PLXNB1: variants seen among roughly 807,000 people sequenced by gnomAD.
PLXNB1 encodes the protein plexin B1, also known as plexin-B1.
In PLXNB1, 106 loss-of-function variants were observed where a neutral mutation model predicts 209.4. The ratio of observed to expected loss-of-function variants is 0.51; its 90% CI spans 0.43 to 0.59. The LOEUF is 0.59. Ranked by LOEUF, PLXNB1 falls within the 20% of genes least tolerant of loss-of-function variation. The pLI is 0.00. For missense variants in PLXNB1, 2,357 were observed against 2,853.2 expected (o/e 0.83, Z 3.96); for synonymous variants, 1,167 against 1,183.2 (o/e 0.99, Z 0.28).
At chr3:48,421,650 G>T in intron 7 of PLXNB1, 24 bp downstream of exon 7, 1 of 1,580,820 alleles carries the variant, frequency 6.3e-7, no homozygotes. Flanking sequence ...TCCCCACCAG[G>T]GCCCTGCCTA....
At chr3:48,420,471 C>T (rs867863621) in intron 10 of PLXNB1, among the ~76,000 whole-genome samples, 194 bp downstream of exon 10, 49 of 152,170 alleles carry the variant, frequency 3.2e-4, no homozygotes, top group Admixed American at 1.3e-4. Context: ...TCCCCTGCCT[C>T]TCAGCTACAA....
In PLXNB1 at chr3:48,420,963, A is replaced by C; in HGVS notation, c.1811-7T>G. ...ACGCTCACGGATACGTAGTCTGCAG[A>C]GGGGGAGAGAGGGCCAGGGTTAAGC... On this transcript the variant is annotated splice_region_variant and splice_polypyrimidine_tract_variant and intron_variant, in intron 8 of 37. Coordinates refer to ENST00000296440, the MANE Select transcript of PLXNB1 (RefSeq NM_001130082.3). 1.2e-6 allele frequency: 2 copies of C among 1,605,536 alleles called. No individual in the cohort carries two copies. Among genetic ancestry groups the C allele is most frequent in the Non-Finnish European group, 1.7e-6 (2 of 1,172,720 alleles).
At chr3:48,422,037 G>T in intron 6 of PLXNB1, 68 bp downstream of exon 6, 1 of 1,442,642 alleles carries the variant, frequency 6.9e-7, no homozygotes, top group Non-Finnish European at 9.7e-7. Flanking sequence ...CAGGAATTCT[G>T]GACAGGACAA....
chr3:48,407,133 G>A, intron 34 of PLXNB1, 42 bp from the exon 35 acceptor site: 21 of 1,560,022 alleles, frequency 1.3e-5, no homozygotes, highest in Non-Finnish European at 1.9e-5. Flanking sequence ...AGGAAGGAAG[G>A]ATGAGGGTCC....
At position 48,416,305 on chromosome 3, in the gene PLXNB1, T is replaced by C. The variant is rs1329999750; in HGVS notation, c.3480+41A>G. On this transcript the variant is annotated intron_variant, in intron 17 of 37. Transcript: ENST00000296440. The surrounding 1 kb of genome is among the most constrained non-coding windows in gnomAD (Gnocchi z 4.1). The stretch of plus-strand genomic sequence containing the variant: ...GGGTTGAGAGGAGCCACCAGAGAGG[T>C]TGGCCCGCTGGCAGCTGGGGGTGGC... 8 of 1,565,734 alleles carry C rather than the reference T, an allele frequency of 5.1e-6. No individual in the cohort carries two copies. The highest frequency in any genetic ancestry group is 1.7e-5 in the Admixed American group (1 of 59,278).
intron 7 of PLXNB1, 56 bp from the exon 8 acceptor site, chr3:48,421,440 C>A: frequency 6.7e-7 from 1 of 1,498,278 alleles, no homozygotes; most frequent in South Asian, 1.3e-5. Context: ...GACCAGGGCT[C>A]ACATTTATGG....
chr3:48,420,355 C>T, intron 10 of PLXNB1, 98 bp from the exon 11 acceptor site: 1 of 711,306 alleles, frequency 1.4e-6, no homozygotes, highest in Admixed American at 2.9e-5. Context: ...GGAAAGGAGA[C>T]CAAGGAAAAG....
intron 21 of PLXNB1, 38 bp from the exon 22 acceptor site, chr3:48,414,109 T>C (rs1359899219): frequency 7.5e-6 from 12 of 1,599,188 alleles, no homozygotes; most frequent in Non-Finnish European, 9.4e-6. Context: ...CTCAGGACCC[T>C]TCCCTCAGAT....
Position 48,404,393 on chromosome 3 carries a change from C to A in PLXNB1, c.*93G>T. 1.4e-6 allele frequency: 1 copy of A among 724,630 alleles called. No homozygotes were observed. Among genetic ancestry groups the A allele is most frequent in the South Asian group, 1.8e-5 (1 of 55,660 alleles). The allele number at this position is 724,630 out of a possible 1,614,324, so 44.9% of individuals were successfully genotyped here. On this transcript the variant is annotated 3_prime_UTR_variant, in exon 38 of 38. Transcript: ENST00000296440. Reference sequence around the variant, plus strand: ...CCTTCCACTAACTCTGCTTGTCAGTCACTACAGGCACCTAAGAAGGTGGCC... The same window carrying A: ...CCTTCCACTAACTCTGCTTGTCAGTAACTACAGGCACCTAAGAAGGTGGCC...
chr3:48,412,884 T>C lies in PLXNB1; in HGVS notation c.4712A>G (p.Tyr1571Cys). ...CCCAGGGAAGAAGATCCTCTCCGCATACACCTTGTAGTCGAGGAAGGGGAT... is the reference window on the plus strand; with the variant it reads ...CCCAGGGAAGAAGATCCTCTCCGCACACACCTTGTAGTCGAGGAAGGGGAT... ...SGIPFLDYKV[Y>C]AERIFFPGHR... The change falls in exon 25 of 38, where the codon TAT becomes TGT. Residue 1571 changes from tyrosine (Y) to cysteine (C), a missense_variant. Transcript: ENST00000296440. 1 of 1,613,838 alleles carries C rather than the reference T, an allele frequency of 6.2e-7. No homozygotes were observed. The highest frequency in any genetic ancestry group is 2.2e-5 in the East Asian group (1 of 44,878).
chr3:48,410,790 T>C lies in PLXNB1; in HGVS notation c.5416+78A>G. On this transcript the variant is annotated intron_variant, in intron 29 of 37. Transcript: ENST00000296440. The surrounding 1 kb of genome is among the most constrained non-coding windows in gnomAD (Gnocchi z 6.4). ...CATCCTCCCCACCCTGAGTGATGAG[T>C]TGTCCCTGCAGAGTTGGTCCGGGGC... 5 of 1,391,504 alleles carry C rather than the reference T, an allele frequency of 3.6e-6. No individual in the cohort carries two copies. In the South Asian group the frequency reaches 6.6e-5, roughly 18 times the overall value. The allele number at this position is 1,391,504 out of a possible 1,614,324, so 86.2% of individuals were successfully genotyped here.
Position 48,418,665 on chromosome 3 carries a change from G to T in PLXNB1, c.2956-123C>A. ...GCATAGGGTCAGAGGGACCCCATGG[G>T]GCCACAAGTTGGAGGGCAGAGCCAG... is the stretch of plus-strand genomic sequence containing the variant. On this transcript the variant is annotated intron_variant, in intron 13 of 37. Coordinates refer to ENST00000296440, the MANE Select transcript of PLXNB1 (RefSeq NM_001130082.3). This position sits in a 1 kb window ranked among gnomAD's most constrained non-coding sequence, Gnocchi z 6.6. The T allele has an allele frequency of 1.1e-6, 1 of 946,246 alleles. No individual in the cohort carries two copies. The highest frequency in any genetic ancestry group is 1.6e-5 in the South Asian group (1 of 63,874). The allele number at this position is 946,246 out of a possible 1,614,324, so 58.6% of individuals were successfully genotyped here.
rs751699860 is a variant in PLXNB1 at position 48,424,471 on chromosome 3, G to A, written c.141C>T (p.Leu47=). ...ACAGGAAGTTGGTAGCCCCCAGGTA[G>A]AGGGTGCCTGAGGTGGGGTCCCTTG... is the stretch of plus-strand genomic sequence containing the variant. ...HLARDPTSGT[L]YLGATNFLFQ... The change falls in exon 3 of 38, where the codon CTC becomes CTT. Residue 47 remains leucine, a synonymous_variant. Coordinates refer to ENST00000296440, the MANE Select transcript of PLXNB1 (RefSeq NM_001130082.3). The A allele has an allele frequency of 2.1e-5, 33 of 1,600,676 alleles. 1 individual carries two copies. In the East Asian group the frequency reaches 7.0e-4, roughly 34 times the overall value.
chr3:48,415,238 G>T lies in PLXNB1; in HGVS notation c.3904C>A (p.Arg1302=), dbSNP rs1437438490. Residue 1302 remains arginine, a synonymous_variant, in exon 20 of 38, where the codon CGG becomes AGG. Transcript: ENST00000296440. The surrounding 1 kb of genome is among the most constrained non-coding windows in gnomAD (Gnocchi z 5.0). ...RMLQPSQGLG[R]RRRVVPETAC... ...GTCTCCGGGACCACGCGACGCCTCC[G>T]TCCAAGCCCCTGGCTGGGCTGCAGC... 1 of 1,613,484 alleles carries T rather than the reference G, an allele frequency of 6.2e-7. No individual in the cohort carries two copies. The highest frequency in any genetic ancestry group is 1.7e-5 in the Admixed American group (1 of 60,024).
chr3:48,411,155 A>C lies in PLXNB1; in HGVS notation c.5248-119T>G. The C allele has an allele frequency of 7.4e-6, 6 of 810,242 alleles. No individual in the cohort carries two copies. The highest frequency in any genetic ancestry group is 1.1e-5 in the Non-Finnish European group (6 of 526,182). The allele number at this position is 810,242 out of a possible 1,614,324, so 50.2% of individuals were successfully genotyped here. ...GCCTCCAATCCCCACGCACCACACA[A>C]TCCCTAATTCTCGTCTCTTCACCTG... On this transcript the variant is annotated intron_variant, in intron 28 of 37. Coordinates refer to ENST00000296440, the MANE Select transcript of PLXNB1 (RefSeq NM_001130082.3). This position sits in a 1 kb window ranked among gnomAD's most constrained non-coding sequence, Gnocchi z 4.0.
In PLXNB1 at chr3:48,417,011, A is replaced by G. The variant is rs1254038992; in HGVS notation, c.3375-560T>C. On this transcript the variant is annotated intron_variant, in intron 16 of 37. Transcript: ENST00000296440. This position sits in a 1 kb window ranked among gnomAD's most constrained non-coding sequence, Gnocchi z 4.4. ...GCCTGCAGTGGCTCAACTCAGTGACATTGTCACAGTTGTTGCAAACACTAG... is the reference window on the plus strand; with the variant it reads ...GCCTGCAGTGGCTCAACTCAGTGACGTTGTCACAGTTGTTGCAAACACTAG... 5.9e-5 allele frequency among the ~76,000 whole-genome samples: 9 copies of G among 152,210 alleles called. No individual in the cohort carries two copies. The highest frequency in any genetic ancestry group is 2.2e-4 in the African/African-American group (9 of 41,448).
At position 48,420,195 on chromosome 3, in the gene PLXNB1, G is replaced by T. The variant is rs1413678780; in HGVS notation, c.2091C>A (p.Ala697=). Residue 697 remains alanine, a synonymous_variant, in exon 11 of 38, where the codon GCC becomes GCA. Coordinates refer to ENST00000296440, the MANE Select transcript of PLXNB1 (RefSeq NM_001130082.3). ...RGGPSPSPPT[A]PKALATPAPD... is the part of the protein sequence containing the mutation. ...GAGCAGGGGTGGCCAGGGCTTTGGG[G>T]GCTGTGGGTGGGGAGGGGCTGGGTC... The T allele has an allele frequency of 6.4e-7, 1 of 1,569,890 alleles. No individual in the cohort carries two copies. The highest frequency in any genetic ancestry group is 8.6e-7 in the Non-Finnish European group (1 of 1,157,382).
At chr3:48,427,534 TGAGTACACCCCTCCCCCAA>T (rs2038956104) in intron 1 of PLXNB1, among the ~76,000 whole-genome samples, 3 of 151,990 alleles carry the variant, frequency 2.0e-5, no homozygotes, top group Non-Finnish European at 4.4e-5. Context: ...TGAGCAGAAT[TGAGTACACCCCTCCCCCAA>T]GAGCCTCTGG....
At chr3:48,422,568 G>A in intron 4 of PLXNB1, 109 bp from the exon 5 acceptor site, 2 of 1,378,024 alleles carry the variant, frequency 1.5e-6, no homozygotes, top group Non-Finnish European at 1.9e-6. Flanking sequence ...TTCCTCCTAG[G>A]CAGTCACAGG....
Sources: gnomAD v4.1 joint callset for allele counts (sites outside exome capture counted in the v4.1 genomes callset) on GRCh38, gnomAD v4.1.1 for gene constraint, Gnocchi (gnomAD v3.1) non-coding constraint, MANE v1.5 for transcripts, NCBI Gene and HGNC (gene_info 2026-07-23, HGNC 2026-07-21) for gene names.